Variants in EOMES observed in about 807,000 individuals in gnomAD.
EOMES encodes eomesodermin homolog.
A neutral mutation model predicts 61.0 loss-of-function variants in EOMES; 18 were observed. That is an observed-to-expected ratio of 0.30 (90% CI 0.20 to 0.44). EOMES has a LOEUF of 0.44. Among genes scored for constraint, EOMES ranks in the 20% least tolerant of loss-of-function variants. EOMES has a pLI of 1.00. For missense variants in EOMES, 885 were observed against 939.2 expected, an observed-to-expected ratio of 0.94 and a Z score of 0.75; for synonymous variants, 430 against 394.0, an observed-to-expected ratio of 1.09 and a Z score of -1.08.
upstream of EOMES, chr3:27,722,547 T>A: frequency 2.3e-6 from 3 of 1,300,528 alleles, no homozygotes; most frequent in South Asian, 4.8e-5. Flanking sequence ...AGAAGCCCTC[T>A]CCTTTTCCTT....
Position 27,721,918 on chromosome 3 carries a change from G to GCGA in EOMES, c.376_377insTCG (p.Ala125_Ala126insVal). The GCGA allele has an allele frequency of 7.4e-7, 1 of 1,351,558 alleles. No individual in the cohort carries two copies. Among genetic ancestry groups the GCGA allele is most frequent in the African/African-American group, 1.6e-5 (1 of 61,004 alleles). 83.7% of individuals were successfully genotyped at this position (1,351,558 alleles called of 1,614,324 possible). A position where few individuals can be genotyped will look rare whatever the true frequency, so the allele number is the denominator to read the frequency against. On this transcript the variant is annotated inframe_insertion, in exon 1 of 6. Transcript: ENST00000449599. The surrounding 1 kb of genome is among the most constrained non-coding windows in gnomAD (Gnocchi z 7.4). ...GTAGCGCGCAGTGGCCGCAGCCGCG[G>GCGA]CGGCGGCGGCGGCGGCGGCTGCAGC...
Position 27,721,854 on chromosome 3 carries a change from C to A in EOMES, c.441G>T (p.Gln147His), listed in dbSNP as rs780616606. 6 of 1,516,914 alleles carry A rather than the reference C, an allele frequency of 4.0e-6. No homozygotes were observed. Among genetic ancestry groups the A allele is most frequent in the East Asian group, 2.7e-5 (1 of 36,760 alleles). The allele number at this position is 1,516,914 out of a possible 1,614,324, so 94.0% of individuals were successfully genotyped here. A position where few individuals can be genotyped will look rare whatever the true frequency, so the allele number is the denominator to read the frequency against. The change falls in exon 1 of 6, where the codon CAG (glutamine) becomes CAT (histidine). Residue 147 changes from glutamine (Q) to histidine (H), a missense_variant. Gln to His is a conservative substitution (Grantham distance 24). This residue lies in a region of EOMES where 449 missense variants were observed against 383.6 expected (regional missense o/e 1.17). Coordinates refer to ENST00000449599, the MANE Select transcript of EOMES (RefSeq NM_001278182.2). This position sits in a 1 kb window ranked among gnomAD's most constrained non-coding sequence, Gnocchi z 7.4. ...DSLSSERYYL[Q>H]SPGPQGSELA... ...GCTCCGACCCCTGAGGACCGGGGGA[C>A]TGGAGGTAGTACCGCTCGGAGCTCA... is the stretch of plus-strand genomic sequence containing the variant.
chr3:27,721,708 A>G lies in EOMES; in HGVS notation c.587T>C (p.Phe196Ser). The G allele has an allele frequency of 2.7e-6, 4 of 1,486,468 alleles. No individual in the cohort carries two copies. The highest frequency in any genetic ancestry group is 3.5e-6 in the Non-Finnish European group (4 of 1,128,370). 92.1% of individuals were successfully genotyped at this position (1,486,468 alleles called of 1,614,324 possible). A position where few individuals can be genotyped will look rare whatever the true frequency, so the allele number is the denominator to read the frequency against. ...CCCGGGTGGGCACACAGCCGCGGGG[A>G]AGCCGCCGGGGGGCAGCATGGAGCC... is the stretch of plus-strand genomic sequence containing the variant. ...PYGSMLPPGG[F>S]PAAVCPPGRA... Residue 196 changes from phenylalanine (F) to serine (S), a missense_variant, in exon 1 of 6, where the codon TTC (phenylalanine) becomes TCC (serine). Around this residue, in one of 3 missense-constraint regions of EOMES, gnomAD observed 449 missense variants for 383.6 expected, o/e 1.17. Coordinates refer to ENST00000449599, the MANE Select transcript of EOMES (RefSeq NM_001278182.2). This position sits in a 1 kb window ranked among gnomAD's most constrained non-coding sequence, Gnocchi z 7.4.
In EOMES at chr3:27,721,964, C is replaced by T. The variant is rs930097063; in HGVS notation, c.331G>A (p.Glu111Lys). The T allele has an allele frequency of 4.2e-6, 6 of 1,428,418 alleles. No homozygotes were observed. In the African/African-American group the frequency reaches 6.1e-5, roughly 14 times the overall value. 88.5% of individuals were successfully genotyped at this position (1,428,418 alleles called of 1,614,324 possible). A position where few individuals can be genotyped will look rare whatever the true frequency, so the allele number is the denominator to read the frequency against. ...PDGRKGSPCGEEELPSAAAAA... is the reference protein window; with the variant it reads ...PDGRKGSPCGKEELPSAAAAA... ...GCAGCGGCGGAGGGCAGCTCCTCCT[C>T]CCCGCAGGGGGAGCCCTTGCGGCCG... is the stretch of plus-strand genomic sequence containing the variant. The change falls in exon 1 of 6, where the codon GAG becomes AAG. Residue 111 changes from glutamate (E) to lysine (K), a missense_variant. Glu to Lys is a moderately conservative substitution (Grantham distance 56). Transcript: ENST00000449599. The surrounding 1 kb of genome is among the most constrained non-coding windows in gnomAD (Gnocchi z 7.4).
intron 3 of EOMES, among the ~76,000 whole-genome samples, chr3:27,719,123 C>T (rs987341372): frequency 2.0e-5 from 3 of 150,378 alleles, no homozygotes; most frequent in Non-Finnish European, 4.4e-5. Flanking sequence ...CTCTTGGTTT[C>T]CTAAATTCCC....
chr3:27,720,624 T>C (rs2060605383), intron 1 of EOMES, among the ~76,000 whole-genome samples: 1 of 144,886 alleles, frequency 6.9e-6, no homozygotes, highest in Non-Finnish European at 1.5e-5. Flanking sequence ...CGAAGGCTCA[T>C]ATTCTCGGCC....
rs2060621247 is a variant in EOMES, at chr3:27,722,140, G to T, written c.155C>A (p.Ser52Tyr). 6 of 1,562,440 alleles carry T rather than the reference G, an allele frequency of 3.8e-6. No homozygotes were observed. In the East Asian group the frequency reaches 1.4e-4, roughly 37 times the overall value. ...SPQKLDLDKA[S>Y]KKFSGSLSCE... Reference sequence around the variant, plus strand: ...GGAGAGACTGCCGGAAAACTTCTTGGACGCTTTGTCTAAGTCCAACTTCTG... The same window carrying T: ...GGAGAGACTGCCGGAAAACTTCTTGTACGCTTTGTCTAAGTCCAACTTCTG... Residue 52 changes from serine to tyrosine, a missense_variant, in exon 1 of 6, where the codon TCC (serine) becomes TAC (tyrosine). Coordinates refer to ENST00000449599, the MANE Select transcript of EOMES (RefSeq NM_001278182.2).
At position 27,721,545 on chromosome 3, in the gene EOMES, T is replaced by G; in HGVS notation, c.750A>C (p.Gly250=). ...YGPYPGAAAA[G]SCGGLGGLGV... ...CCAGGCCCCCCAGTCCTCCGCAAGA[T>G]CCCGCCGCTGCGGCTCCAGGGTACG... The change falls in exon 1 of 6, where the codon GGA becomes GGC. Residue 250 remains glycine (G), a synonymous_variant. Coordinates refer to ENST00000449599, the MANE Select transcript of EOMES (RefSeq NM_001278182.2). The surrounding 1 kb of genome is among the most constrained non-coding windows in gnomAD (Gnocchi z 7.4). 1 of 1,606,458 alleles carries G rather than the reference T, an allele frequency of 6.2e-7. No homozygotes were observed. Among genetic ancestry groups the G allele is most frequent in the Non-Finnish European group, 8.5e-7 (1 of 1,177,126 alleles).
At chr3:27,718,946 C>T (rs908762046) in intron 3 of EOMES, 53 bp from the exon 4 acceptor site, 19 of 1,356,272 alleles carry the variant, frequency 1.4e-5, no homozygotes, top group Non-Finnish European at 1.9e-5. Context: ...CTTAGTGGTT[C>T]AACAAAATTA....
rs539825324 is a variant in EOMES at position 27,716,200 on chromosome 3, G to A, written c.*870C>T. On this transcript the variant is annotated 3_prime_UTR_variant, in exon 6 of 6. Transcript: ENST00000449599. ...AAACAGAATATTCCCAAATATCATG[G>A]GGATGATGAAACTCTCCCCTTGCCC... 6.6e-6 allele frequency: 1 copy of A among 152,218 alleles called. No homozygotes were observed. Among genetic ancestry groups the A allele is most frequent in the African/African-American group, 2.4e-5 (1 of 41,520 alleles). 9.4% of individuals were successfully genotyped at this position (152,218 alleles called of 1,614,324 possible).
rs1391178192 is a variant in EOMES, at chr3:27,717,553, A to G, written c.1635T>C (p.Pro545=). 1 of 1,614,228 alleles carries G rather than the reference A, an allele frequency of 6.2e-7. No homozygotes were observed. ...QRWLVTPVQQ[P]GTNKLDISSY... ...AACTGATGTCTAGTTTGTTGGTCCC[A>G]GGTTGCTGGACAGGCGTGACAAGCC... Residue 545 remains proline (P), a synonymous_variant, in exon 6 of 6, where the codon CCT becomes CCC. Transcript: ENST00000449599. The surrounding 1 kb of genome is among the most constrained non-coding windows in gnomAD (Gnocchi z 4.5).
In EOMES at chr3:27,722,165, G is replaced by C; in HGVS notation, c.130C>G (p.Gln44Glu). The C allele has an allele frequency of 6.3e-7, 1 of 1,584,126 alleles. No individual in the cohort carries two copies. The stretch of plus-strand genomic sequence containing the variant: ...GACGCTTTGTCTAAGTCCAACTTCT[G>C]AGGAGAGGGGGCCGCGCTGGGGAGG... Reference protein sequence around the residue: ...GHLPSAAPSPQKLDLDKASKK... With the variant: ...GHLPSAAPSPEKLDLDKASKK... Residue 44 changes from glutamine to glutamate, a missense_variant, in exon 1 of 6, where the codon CAG (glutamine) becomes GAG (glutamate). Physicochemically the swap from Gln to Glu is conservative, Grantham distance 29. This residue lies in a region of EOMES where 449 missense variants were observed against 383.6 expected (regional missense o/e 1.17). Transcript: ENST00000449599.
chr3:27,720,763 G>A (rs1393277917), intron 1 of EOMES, among the ~76,000 whole-genome samples: 4 of 151,946 alleles, frequency 2.6e-5, no homozygotes, highest in Admixed American at 6.6e-5. Context: ...AAAACTTTAG[G>A]CTAAAAGTCC....
chr3:27,722,439 C>A, upstream of EOMES: 1 of 1,368,334 alleles, frequency 7.3e-7, no homozygotes, highest in South Asian at 1.7e-5. Context: ...CCTGCCGACT[C>A]GCGGGCCGCT....
chr3:27,720,472 G>A, intron 1 of EOMES, 147 bp from the exon 2 acceptor site: 1 of 374,870 alleles, frequency 2.7e-6, no homozygotes. Context: ...TAGATCAAGT[G>A]GTCTGAAACT....
chr3:27,717,326 T>G lies in EOMES; in HGVS notation c.1862A>C (p.Glu621Ala). The change falls in exon 6 of 6, where the codon GAA becomes GCA. Residue 621 changes from glutamate (E) to alanine (A), a missense_variant. Glu to Ala is a moderately radical substitution (Grantham distance 107, BLOSUM62 -1). Coordinates refer to ENST00000449599, the MANE Select transcript of EOMES (RefSeq NM_001278182.2). This position sits in a 1 kb window ranked among gnomAD's most constrained non-coding sequence, Gnocchi z 4.5. ...TSRTSPTVFS[E>A]DQLSKEKVKE... is the part of the protein sequence containing the mutation. Reference sequence around the variant, plus strand: ...CACTTTCTCCTTGGAGAGCTGATCTTCAGAGAACACAGTGGGGCTTGTTCT... The same window carrying G: ...CACTTTCTCCTTGGAGAGCTGATCTGCAGAGAACACAGTGGGGCTTGTTCT... The G allele has an allele frequency of 6.2e-7, 1 of 1,614,180 alleles. No individual in the cohort carries two copies. Among genetic ancestry groups the G allele is most frequent in the Non-Finnish European group, 8.5e-7 (1 of 1,180,012 alleles).
In EOMES at chr3:27,716,851, G is replaced by C. The variant is rs573540637; in HGVS notation, c.*219C>G. The stretch of plus-strand genomic sequence containing the variant: ...CCTTCGAATTTTAAAATACCTTAAA[G>C]TCTTCCATTAATCTTATTTTTTAAA... On this transcript the variant is annotated 3_prime_UTR_variant, in exon 6 of 6. Transcript: ENST00000449599. The C allele has an allele frequency of 1.9e-6, 1 of 536,676 alleles. No individual in the cohort carries two copies. The highest frequency in any genetic ancestry group is 2.9e-5 in the South Asian group (1 of 34,920). 33.2% of individuals were successfully genotyped at this position (536,676 alleles called of 1,614,324 possible). A position where few individuals can be genotyped will look rare whatever the true frequency, so the allele number is the denominator to read the frequency against.
chr3:27,722,608 G>A (rs1044975409), upstream of EOMES: 13 of 1,156,884 alleles, frequency 1.1e-5, no homozygotes, highest in Admixed American at 2.9e-4. Flanking sequence ...AGGCTCACAC[G>A]CTGGAAGAAG....
In EOMES at chr3:27,718,637, T is replaced by C. The variant is rs561608875; in HGVS notation, c.1329A>G (p.Leu443=). The C allele has an allele frequency of 7.8e-5, 126 of 1,613,664 alleles. No homozygotes were observed. Among genetic ancestry groups the C allele is most frequent in the Non-Finnish European group, 1.0e-4 (119 of 1,179,660 alleles). The stretch of plus-strand genomic sequence containing the variant: ...TTGCAAAGGGGTTATGATCAATCTT[T>C]AGTTGAGTAATCTAGATAGGGGAGA... ...TAYQNTDITQ[L]KIDHNPFAKG... is the part of the protein sequence containing the mutation. The change falls in exon 5 of 6, where the codon CTA becomes CTG. Residue 443 remains leucine (L), a synonymous_variant. Transcript: ENST00000449599.
Sources: allele counts gnomAD v4.1 joint callset (sites outside exome capture counted in the v4.1 genomes callset), GRCh38; gene constraint gnomAD v4.1.1; regional missense constraint gnomAD v4.1.1; non-coding constraint Gnocchi (gnomAD v3.1); transcripts MANE v1.5; gene names NCBI Gene and HGNC (gene_info 2026-07-23, HGNC 2026-07-21).